Variants in FAM83B observed in about 807,000 individuals in gnomAD.
FAM83B encodes protein FAM83B.
Under a neutral mutation model 38.8 loss-of-function variants are expected in FAM83B, and 26 were observed. The observed-to-expected ratio is 0.67, with a 90% CI of 0.49 to 0.93. The LOEUF (loss-of-function observed/expected upper bound fraction) is 0.93, where lower values mean the gene tolerates loss of function less well. Among genes scored for constraint, FAM83B ranks in the 40% least tolerant of loss-of-function variants. The pLI is 0.00. For synonymous variants in FAM83B, 419 were observed against 423.1 expected (o/e 0.99, Z 0.12); for missense variants, 1,237 against 1,197.3 (o/e 1.03, Z -0.49).
chr6:54,859,625 T>A (rs1054444318), intron 1 of FAM83B, among the ~76,000 whole-genome samples: 1 of 152,202 alleles, frequency 6.6e-6, no homozygotes, highest in African/African-American at 2.4e-5. Flanking sequence ...CTGTGGGAGC[T>A]CCTTTCAGTG....
At chr6:54,877,220 A>G (rs1561911212) in intron 2 of FAM83B, among the ~76,000 whole-genome samples, 1 of 152,228 alleles carries the variant, frequency 6.6e-6, no homozygotes, top group Non-Finnish European at 1.5e-5. Flanking sequence ...GACCAGACTT[A>G]AGGCATTCTT....
At chr6:54,913,924 A>C (rs191213307) in intron 2 of FAM83B, among the ~76,000 whole-genome samples, 1 of 152,076 alleles carries the variant, frequency 6.6e-6, no homozygotes, top group East Asian at 1.9e-4. Flanking sequence ...TTTTGAAAAC[A>C]TACCCCATGT....
At chr6:54,876,451 A>G (rs111854319) in intron 2 of FAM83B, among the ~76,000 whole-genome samples, 1 of 149,118 alleles carries the variant, frequency 6.7e-6, no homozygotes, top group Non-Finnish European at 1.5e-5. Flanking sequence ...CAGCCTCCCT[A>G]GTATCTGGGA....
chr6:54,877,130 A>C (rs1332685056), intron 2 of FAM83B, among the ~76,000 whole-genome samples: 1 of 152,194 alleles, frequency 6.6e-6, no homozygotes, highest in Non-Finnish European at 1.5e-5. Context: ...CACAAAAATA[A>C]CTGCAAAAAC....
chr6:54,936,502 CTCTT>C (rs538430378), intron 4 of FAM83B, among the ~76,000 whole-genome samples: 72 of 152,136 alleles, frequency 4.7e-4, no homozygotes, highest in African/African-American at 1.6e-3. Flanking sequence ...CCTCAAACAT[CTCTT>C]TCTATTATAA....
intron 1 of FAM83B, among the ~76,000 whole-genome samples, chr6:54,867,494 A>C (rs1172719167): frequency 6.6e-6 from 1 of 152,072 alleles, no homozygotes; most frequent in Non-Finnish European, 1.5e-5. Context: ...AGTCTTGTAC[A>C]TAATATTGTA....
At chr6:54,892,050 C>T (rs1772415176) in intron 2 of FAM83B, among the ~76,000 whole-genome samples, 2 of 152,150 alleles carry the variant, frequency 1.3e-5, no homozygotes, top group South Asian at 4.1e-4. Flanking sequence ...TTGGTAATTA[C>T]TTGCAACAGT....
At chr6:54,909,148 T>C (rs1772847357) in intron 2 of FAM83B, among the ~76,000 whole-genome samples, 1 of 152,010 alleles carries the variant, frequency 6.6e-6, no homozygotes, top group African/African-American at 2.4e-5. Context: ...AGATTCATGT[T>C]TTTTACATTT....
intron 2 of FAM83B, 46 bp downstream of exon 2, chr6:54,870,736 A>G (rs748819799): frequency 1.3e-6 from 2 of 1,492,082 alleles, no homozygotes; most frequent in Non-Finnish European, 1.8e-6. Context: ...AACATGTAGA[A>G]AAGTAGAGAG....
At chr6:54,863,228 A>T (rs1771628065) in intron 1 of FAM83B, among the ~76,000 whole-genome samples, 1 of 152,232 alleles carries the variant, frequency 6.6e-6, no homozygotes, top group Non-Finnish European at 1.5e-5. Context: ...GGTTTCAGTT[A>T]AAAACAACAC....
At chr6:54,871,856 G>A (rs1171479739) in intron 2 of FAM83B, among the ~76,000 whole-genome samples, 1 of 148,944 alleles carries the variant, frequency 6.7e-6, no homozygotes, top group African/African-American at 2.5e-5. Context: ...AGATCTAAAA[G>A]GAACCTTAGG....
At chr6:54,915,379 TA>T (rs1387666825) in intron 2 of FAM83B, among the ~76,000 whole-genome samples, 1 of 152,206 alleles carries the variant, frequency 6.6e-6, no homozygotes, top group Non-Finnish European at 1.5e-5. Context: ...TAGAAGCAAT[TA>T]GCCAATGAGT....
chr6:54,850,185 G>A (rs1241618999), intron 1 of FAM83B, among the ~76,000 whole-genome samples: 2 of 152,192 alleles, frequency 1.3e-5, no homozygotes, highest in Non-Finnish European at 2.9e-5. Context: ...GAAGGTCACA[G>A]CAGACGTTGT....
In FAM83B at chr6:54,900,685, A is replaced by G. The variant is rs77149750; in HGVS notation, c.445-25686A>G. On this transcript the variant is annotated intron_variant, in intron 2 of 4. Coordinates refer to ENST00000306858, the MANE Select transcript of FAM83B (RefSeq NM_001010872.3). The stretch of plus-strand genomic sequence containing the variant: ...GACAATATACACATATATGTAACAC[A>G]TATGCACAGGAAATCCAGTGCTTGA... 6.4e-3 allele frequency among the ~76,000 whole-genome samples: 972 copies of G among 152,292 alleles called. 12 individuals carry two copies. Among genetic ancestry groups the G allele is most frequent in the African/African-American group, 0.023 (939 of 41,548 alleles).
At chr6:54,856,172 A>G (rs1771441516) in intron 1 of FAM83B, among the ~76,000 whole-genome samples, 1 of 152,156 alleles carries the variant, frequency 6.6e-6, no homozygotes, top group Non-Finnish European at 1.5e-5. Context: ...GCTGCGAAGG[A>G]GTGGAAAAAG....
At chr6:54,917,730 G>A (rs140823796) in intron 2 of FAM83B, among the ~76,000 whole-genome samples, 44 of 152,178 alleles carry the variant, frequency 2.9e-4, no homozygotes, top group African/African-American at 1.1e-3. Flanking sequence ...TTCGGTTATA[G>A]TGCAAAATTG....
Position 54,921,060 on chromosome 6 carries a change from CT to C in FAM83B, c.445-5305del, listed in dbSNP as rs375803292. On this transcript the variant is annotated intron_variant, in intron 2 of 4. Coordinates refer to ENST00000306858, the MANE Select transcript of FAM83B (RefSeq NM_001010872.3). The stretch of plus-strand genomic sequence containing the variant: ...TTTGTTAGAATATTACCCTCATCTT[CT>C]TTTTTACTTTTGCCTCTGTATCTTT... Among the ~76,000 whole-genome samples the C allele has an allele frequency of 4.6e-5, 7 of 151,962 alleles. No homozygotes were observed. The South Asian group carries it at 1.2e-3, about 27-fold the overall frequency.
Position 54,941,125 on chromosome 6 carries a change from G to A in FAM83B, c.2154G>A (p.Glu718=), listed in dbSNP as rs540321012. The A allele has an allele frequency of 6.2e-7, 1 of 1,613,822 alleles. No homozygotes were observed. The highest frequency in any genetic ancestry group is 1.7e-5 in the Admixed American group (1 of 59,922). The part of the protein sequence containing the change: ...KSMHNVTHNL[E]EDEEEVTKRN... ...TGCACAATGTGACTCATAACTTGGA[G>A]GAGGATGAGGAGGAAGTTACCAAGA... Residue 718 remains glutamate (E), a synonymous_variant, in exon 5 of 5, where the codon GAG becomes GAA. Transcript: ENST00000306858.
intron 2 of FAM83B, among the ~76,000 whole-genome samples, chr6:54,925,156 C>G (rs1047825503): frequency 6.6e-6 from 1 of 152,118 alleles, no homozygotes; most frequent in Non-Finnish European, 1.5e-5. Context: ...TGGATAATGT[C>G]ATTTCCTTTA....
Sources: gnomAD v4.1 joint callset for allele counts (sites outside exome capture counted in the v4.1 genomes callset) on GRCh38, gnomAD v4.1.1 for gene constraint, MANE v1.5 for transcripts, NCBI Gene and HGNC (gene_info 2026-07-23, HGNC 2026-07-21) for gene names.